NXPH1: variants seen among roughly 807,000 people sequenced by gnomAD.
NXPH1 encodes the protein neurexophilin-1.
In NXPH1, 5 loss-of-function variants were observed where a neutral mutation model predicts 23.7. The observed-to-expected ratio is 0.21, with a 90% CI of 0.11 to 0.44. The LOEUF is 0.44. Ranked by LOEUF, NXPH1 falls within the 20% of genes least tolerant of loss-of-function variation. The pLI, the probability that NXPH1 is intolerant of heterozygous loss-of-function variation, is 0.99. For synonymous variants in NXPH1, 144 were observed against 122.2 expected (o/e 1.18, Z -1.18); for missense variants, 324 against 321.6 (o/e 1.01, Z -0.06).
intron 2 of NXPH1, among the ~76,000 whole-genome samples, chr7:8,558,841 G>A (rs1818399676): frequency 6.6e-6 from 1 of 151,696 alleles, no homozygotes; most frequent in African/African-American, 2.4e-5. Flanking sequence ...GATGACTGCC[G>A]TCTTTTGTGT....
At chr7:8,558,780 C>T (rs2097169289) in intron 2 of NXPH1, among the ~76,000 whole-genome samples, 1 of 151,580 alleles carries the variant, frequency 6.6e-6, no homozygotes, top group Admixed American at 6.6e-5. Flanking sequence ...TAGTTAGAAT[C>T]GATTGTTTAA....
At chr7:8,552,397 TAATC>T (rs1233635233) in intron 2 of NXPH1, among the ~76,000 whole-genome samples, 2 of 151,250 alleles carry the variant, frequency 1.3e-5, no homozygotes, top group African/African-American at 4.8e-5. Flanking sequence ...TTAAAGAAAA[TAATC>T]AGTCAGCTTC....
chr7:8,620,222 G>A (rs536330933), intron 2 of NXPH1, among the ~76,000 whole-genome samples: 33 of 152,262 alleles, frequency 2.2e-4, no homozygotes, highest in African/African-American at 7.5e-4. Flanking sequence ...CACTCAGTGA[G>A]TTTATTGAAA....
At chr7:8,574,671 C>T (rs549853510) in intron 2 of NXPH1, among the ~76,000 whole-genome samples, 9 of 152,250 alleles carry the variant, frequency 5.9e-5, no homozygotes, top group African/African-American at 2.2e-4. Flanking sequence ...AATTTAGAAT[C>T]TATTTAAACA....
At chr7:8,501,084 C>A (rs748896716) in intron 2 of NXPH1, among the ~76,000 whole-genome samples, 2 of 152,074 alleles carry the variant, frequency 1.3e-5, no homozygotes, top group African/African-American at 4.8e-5. Flanking sequence ...TTGGGATCTT[C>A]AGCATAGTTT....
chr7:8,458,080 T>C (rs1252052071), intron 2 of NXPH1, among the ~76,000 whole-genome samples: 1 of 152,252 alleles, frequency 6.6e-6, no homozygotes, highest in Non-Finnish European at 1.5e-5. Context: ...TAAATGCTAT[T>C]CCATAAAAAT....
In NXPH1 at chr7:8,475,378, C is replaced by T. The variant is rs190284763; in HGVS notation, c.54+39611C>T. Among the ~76,000 whole-genome samples, 74 of 152,076 alleles carry T rather than the reference C, an allele frequency of 4.9e-4. 1 individual carries two copies. The East Asian group carries it at 7.8e-3, about 16-fold the overall frequency. On this transcript the variant is annotated intron_variant, in intron 2 of 2. Coordinates refer to ENST00000405863, the MANE Select transcript of NXPH1 (RefSeq NM_152745.3). Reference sequence around the variant, plus strand: ...TAAGGTTGAACTATGTAGCTCTGGCCTAAAATCAATGGATAATTTGGGAAA... The same window carrying T: ...TAAGGTTGAACTATGTAGCTCTGGCTTAAAATCAATGGATAATTTGGGAAA...
chr7:8,659,580 C>T (rs58867870), intron 2 of NXPH1, among the ~76,000 whole-genome samples: 15 of 151,868 alleles, frequency 9.9e-5, no homozygotes, highest in East Asian at 5.8e-4. Flanking sequence ...CGGGGCCTGT[C>T]GTGGGGTGGG....
intron 2 of NXPH1, among the ~76,000 whole-genome samples, chr7:8,501,841 A>G (rs1247054488): frequency 6.6e-6 from 1 of 152,110 alleles, no homozygotes; most frequent in South Asian, 2.1e-4. Flanking sequence ...GTCTTACCCA[A>G]GAGTCGTGGG....
At chr7:8,544,281 A>G (rs1818168439) in intron 2 of NXPH1, among the ~76,000 whole-genome samples, 1 of 151,570 alleles carries the variant, frequency 6.6e-6, no homozygotes, top group South Asian at 2.1e-4. Flanking sequence ...GCTTTCTTGT[A>G]CATTGTAGAA....
intron 2 of NXPH1, among the ~76,000 whole-genome samples, chr7:8,554,568 C>A (rs1183991104): frequency 6.6e-6 from 1 of 151,612 alleles, no homozygotes; most frequent in Non-Finnish European, 1.5e-5. Flanking sequence ...ATCTATGTTC[C>A]ACATACTTCC....
chr7:8,683,426 A>C (rs1202488909), intron 2 of NXPH1, among the ~76,000 whole-genome samples: 1 of 152,136 alleles, frequency 6.6e-6, no homozygotes, highest in Non-Finnish European at 1.5e-5. Context: ...TATATCTCCA[A>C]AGTTTCCCAA....
At chr7:8,717,208 G>A (rs943478484) in intron 2 of NXPH1, among the ~76,000 whole-genome samples, 4 of 152,080 alleles carry the variant, frequency 2.6e-5, no homozygotes, top group African/African-American at 9.7e-5. Flanking sequence ...CTTGAGTTAA[G>A]TGTGTCTCTA....
At chr7:8,480,100 G>C (rs994977928) in intron 2 of NXPH1, among the ~76,000 whole-genome samples, 1 of 152,066 alleles carries the variant, frequency 6.6e-6, no homozygotes, top group African/African-American at 2.4e-5. Flanking sequence ...AGATGTTTGA[G>C]ATTTGGATGG....
At chr7:8,544,525 C>T (rs944668273) in intron 2 of NXPH1, among the ~76,000 whole-genome samples, 3 of 151,554 alleles carry the variant, frequency 2.0e-5, no homozygotes, top group East Asian at 1.9e-4. Flanking sequence ...GATCCCTACC[C>T]GAAGACATCA....
chr7:8,552,114 C>CAAAAAAAAAAAAAAA (rs34390317), intron 2 of NXPH1, among the ~76,000 whole-genome samples: 8 of 61,738 alleles, frequency 1.3e-4, no homozygotes, highest in Non-Finnish European at 2.0e-4. Flanking sequence ...GAAAAAAAAC[C>CAAAAAAAAAAAAAAA]AAAAAAAAAA....
chr7:8,476,244 T>G (rs186147910), intron 2 of NXPH1, among the ~76,000 whole-genome samples: 9 of 152,310 alleles, frequency 5.9e-5, no homozygotes, highest in African/African-American at 1.7e-4. Context: ...GGCAACACTC[T>G]GAGCGGTGCA....
At chr7:8,643,820 A>G (rs1344424450) in intron 2 of NXPH1, among the ~76,000 whole-genome samples, 1 of 152,220 alleles carries the variant, frequency 6.6e-6, no homozygotes, top group African/African-American at 2.4e-5. Flanking sequence ...TATAAATTTT[A>G]ACTTTAAATT....
chr7:8,636,125 C>T (rs1820214886), intron 2 of NXPH1, among the ~76,000 whole-genome samples: 1 of 152,112 alleles, frequency 6.6e-6, no homozygotes, highest in African/African-American at 2.4e-5. Flanking sequence ...TTGTGCCCAG[C>T]TTCATTTATA....
Sources: allele counts gnomAD v4.1 joint callset (sites outside exome capture counted in the v4.1 genomes callset), GRCh38; gene constraint gnomAD v4.1.1; transcripts MANE v1.5; gene names NCBI Gene and HGNC (gene_info 2026-07-23, HGNC 2026-07-21).